The following KDM4B variants were observed in gnomAD, a reference collection of about 807,000 sequenced individuals.
KDM4B encodes lysine-specific demethylase 4B.
A neutral mutation model predicts 125.2 loss-of-function variants in KDM4B; 32 were observed. The ratio of observed to expected loss-of-function variants is 0.26; its 90% confidence interval spans 0.19 to 0.34. The LOEUF (loss-of-function observed/expected upper bound fraction) is 0.34, where lower values mean the gene tolerates loss of function less well. KDM4B is among the 10% of genes least tolerant of loss of function. KDM4B has a pLI of 1.00. For missense variants in KDM4B, 1,190 were observed against 1,577.7 expected (o/e 0.75, Z 4.16); for synonymous variants, 721 against 677.9 (o/e 1.06, Z -0.99).
Position 5,142,161 on chromosome 19 carries a change from G to A in KDM4B, c.2551-1806G>A, listed in dbSNP as rs893851836. On this transcript the variant is annotated intron_variant, in intron 18 of 22. Transcript: ENST00000159111. The surrounding 1 kb of genome is among the most constrained non-coding windows in gnomAD (Gnocchi z 5.4). ...TCGTCCTCACAGCCCTGTGGCCTCC[G>A]AGGAAGGACACCGAGCCGGGAACTT... 1.3e-5 allele frequency among the ~76,000 whole-genome samples: 2 copies of A among 152,112 alleles called. No individual in the cohort carries two copies. Among genetic ancestry groups the A allele is most frequent in the Admixed American group, 6.5e-5 (1 of 15,280 alleles).
rs141435819 is a variant in KDM4B, at chr19:5,086,401, G to A, written c.918+3897G>A. ...ACGTCTTCACAGGGTTGTGGGAGGA[G>A]GGCAATTAAAAGGATGTGTGACCTG... On this transcript the variant is annotated intron_variant, in intron 9 of 22. Transcript: ENST00000159111. Among the ~76,000 whole-genome samples, 486 of 152,290 alleles carry A rather than the reference G, an allele frequency of 3.2e-3. 3 individuals are homozygous for A. Among genetic ancestry groups the A allele is most frequent in the Non-Finnish European group, 3.4e-3 (231 of 68,030 alleles).
At chr19:5,148,025 C>T (rs1482977593) in intron 21 of KDM4B, among the ~76,000 whole-genome samples, 4 of 152,114 alleles carry the variant, frequency 2.6e-5, no homozygotes, top group Non-Finnish European at 5.9e-5. Context: ...GTGGCTGAGA[C>T]CCCCACATGC....
intron 5 of KDM4B, among the ~76,000 whole-genome samples, chr19:5,045,675 A>G (rs2037003367): frequency 6.6e-6 from 1 of 152,070 alleles, no homozygotes; most frequent in East Asian, 1.9e-4. Flanking sequence ...GGGTTTCACC[A>G]TGTTGGCCAG....
chr19:5,114,320 C>G lies in KDM4B; in HGVS notation c.1115+3502C>G. On this transcript the variant is annotated intron_variant, in intron 10 of 22. Coordinates refer to ENST00000159111, the MANE Select transcript of KDM4B (RefSeq NM_015015.3). The surrounding 1 kb of genome is among the most constrained non-coding windows in gnomAD (Gnocchi z 5.8). ...CCGGCTGGGCCCAGGCCTCGTCTCCCCTACCCCTCCGAGCTCGGTGCTGCC... is the reference window on the plus strand; with the variant it reads ...CCGGCTGGGCCCAGGCCTCGTCTCCGCTACCCCTCCGAGCTCGGTGCTGCC... The G allele has an allele frequency of 9.9e-7, 1 of 1,013,738 alleles. No homozygotes were observed. The highest frequency in any genetic ancestry group is 1.4e-6 in the Non-Finnish European group (1 of 736,660). 62.8% of individuals were successfully genotyped at this position (1,013,738 alleles called of 1,614,324 possible). A position where few individuals can be genotyped will look rare whatever the true frequency, so the allele number is the denominator to read the frequency against.
intron 10 of KDM4B, chr19:5,112,492 G>A (rs1568304988): frequency 2.0e-5 from 3 of 152,268 alleles, no homozygotes; most frequent in Admixed American, 1.3e-4. Context: ...CAGCCACTGA[G>A]CACCAAGGTT....
At chr19:5,039,601 C>G (rs1413042015) in intron 3 of KDM4B, among the ~76,000 whole-genome samples, 4 of 152,186 alleles carry the variant, frequency 2.6e-5, no homozygotes, top group African/African-American at 4.8e-5. Flanking sequence ...GGTGCTGTAC[C>G]CAGCTTCCCA....
intron 8 of KDM4B, chr19:5,079,262 G>C (rs1408410682): frequency 1.3e-5 from 2 of 152,174 alleles, no homozygotes; most frequent in Non-Finnish European, 2.9e-5. Context: ...GCCGCGTCCT[G>C]TCACCACTGA....
chr19:4,983,537 G>A (rs762600921), intron 1 of KDM4B, among the ~76,000 whole-genome samples: 80 of 152,342 alleles, frequency 5.3e-4, no homozygotes, highest in Middle Eastern at 3.4e-3. Flanking sequence ...GCACTGAACC[G>A]TGGACTGGTC....
At position 5,057,055 on chromosome 19, in the gene KDM4B, TGTGTGTGTGTGC is replaced by T. The variant is rs1253670131; in HGVS notation, c.626+9388_626+9399del. On this transcript the variant is annotated intron_variant, in intron 6 of 22. Coordinates refer to ENST00000159111, the MANE Select transcript of KDM4B (RefSeq NM_015015.3). ...GTGTGTGTGTGTGTGTGTGTGTGTG[TGTGTGTGTGTGC>T]GCGCGCGCGCGTATGTTAGCAAATG... Among the ~76,000 whole-genome samples the T allele has an allele frequency of 2.1e-5, 3 of 144,244 alleles. No homozygotes were observed. In the East Asian group the frequency reaches 6.1e-4, roughly 29 times the overall value. 94.6% of individuals were successfully genotyped at this position (144,244 alleles called of 152,430 possible).
At chr19:5,041,915 T>A (rs2036831929) in intron 5 of KDM4B, among the ~76,000 whole-genome samples, 1 of 152,230 alleles carries the variant, frequency 6.6e-6, no homozygotes, top group South Asian at 2.1e-4. Context: ...GGACCTTGTC[T>A]GCGCTGTGGC....
At position 5,108,927 on chromosome 19, in the gene KDM4B, G is replaced by A. The variant is rs969492423; in HGVS notation, c.919-1695G>A. On this transcript the variant is annotated intron_variant, in intron 9 of 22. Transcript: ENST00000159111. Reference sequence around the variant, plus strand: ...CCCGTGCCTCTGCCCCCCACGCCCCGAGCTTCCGCATGGCCCTCCCCCATG... The same window carrying A: ...CCCGTGCCTCTGCCCCCCACGCCCCAAGCTTCCGCATGGCCCTCCCCCATG... Among the ~76,000 whole-genome samples, 3 of 148,534 alleles carry A rather than the reference G, an allele frequency of 2.0e-5. No individual in the cohort carries two copies. The East Asian group carries it at 6.3e-4, about 31-fold the overall frequency.
At position 5,114,562 on chromosome 19, in the gene KDM4B, C is replaced by T. The variant is rs1568306368; in HGVS notation, c.1115+3744C>T. On this transcript the variant is annotated intron_variant, in intron 10 of 22. Coordinates refer to ENST00000159111, the MANE Select transcript of KDM4B (RefSeq NM_015015.3). The surrounding 1 kb of genome is among the most constrained non-coding windows in gnomAD (Gnocchi z 5.8). ...CAGGGAGTGCGCAGCCTCAGGGACT[C>T]ACTTGCTGTCTCCTGTCTCTTTCCT... 5.8e-6 allele frequency: 2 copies of T among 342,256 alleles called. No individual in the cohort carries two copies. The highest frequency in any genetic ancestry group is 8.1e-5 in the Admixed American group (2 of 24,762). 21.2% of individuals were successfully genotyped at this position (342,256 alleles called of 1,614,324 possible).
chr19:5,033,248 C>T (rs2036515491), intron 3 of KDM4B, among the ~76,000 whole-genome samples: 1 of 152,230 alleles, frequency 6.6e-6, no homozygotes, highest in Non-Finnish European at 1.5e-5. Context: ...GTGGCCGGTG[C>T]AGGCCCTGGC....
chr19:5,088,123 G>A (rs2038565684), intron 9 of KDM4B, among the ~76,000 whole-genome samples: 1 of 152,336 alleles, frequency 6.6e-6, no homozygotes, highest in South Asian at 2.1e-4. Flanking sequence ...GAGGGAGCCT[G>A]TTTCCTCGTG....
intron 6 of KDM4B, among the ~76,000 whole-genome samples, chr19:5,055,144 C>T (rs1016427815): frequency 1.3e-5 from 2 of 152,222 alleles, no homozygotes; most frequent in African/African-American, 2.4e-5. Context: ...CCCGATTGTG[C>T]CCCCAGGACA....
At chr19:5,099,170 C>T (rs1417157610) in intron 9 of KDM4B, among the ~76,000 whole-genome samples, 1 of 152,220 alleles carries the variant, frequency 6.6e-6, no homozygotes, top group Middle Eastern at 3.2e-3. Flanking sequence ...CATTTGTTTC[C>T]TTTCTCTTTA....
chr19:5,097,355 A>G (rs144122655), intron 9 of KDM4B, among the ~76,000 whole-genome samples: 7 of 152,262 alleles, frequency 4.6e-5, no homozygotes, highest in East Asian at 3.9e-4. Context: ...AGATCAAGCA[A>G]TCCTCCTACC....
intron 9 of KDM4B, among the ~76,000 whole-genome samples, chr19:5,090,014 G>A (rs1007797880): frequency 1.3e-5 from 2 of 152,156 alleles, no homozygotes; most frequent in African/African-American, 2.4e-5. Context: ...CACAAAAAGG[G>A]GGAAACAAGA....
intron 2 of KDM4B, among the ~76,000 whole-genome samples, chr19:5,018,141 G>T (rs1296151823): frequency 6.6e-6 from 1 of 151,882 alleles, no homozygotes; most frequent in Non-Finnish European, 1.5e-5. Flanking sequence ...TGGGCTCAAG[G>T]GATCCTCCCG....
Sources: allele counts gnomAD v4.1 joint callset (sites outside exome capture counted in the v4.1 genomes callset), GRCh38; gene constraint gnomAD v4.1.1; non-coding constraint Gnocchi (gnomAD v3.1); transcripts MANE v1.5; gene names NCBI Gene and HGNC (gene_info 2026-07-23, HGNC 2026-07-21).